The following CACNA1A variants were observed in gnomAD, a reference collection of about 807,000 sequenced individuals.
CACNA1A encodes the protein voltage-dependent P/Q-type calcium channel subunit alpha-1A.
CACNA1A carries 57 observed loss-of-function variants against 262.4 expected under a neutral mutation model. That is an observed-to-expected ratio of 0.22 (90% CI 0.18 to 0.27). The LOEUF is 0.27. CACNA1A is among the 10% of genes least tolerant of loss of function. The pLI, the probability that CACNA1A is intolerant of heterozygous loss-of-function variation, is 1.00. For missense variants in CACNA1A, 2,526 were observed against 3,562.8 expected (o/e 0.71, Z 7.41); for synonymous variants, 1,431 against 1,419.3 (o/e 1.01, Z -0.18).
At chr19:13,479,286 A>AG (rs1038477950) in intron 1 of CACNA1A, among the ~76,000 whole-genome samples, 84 of 152,334 alleles carry the variant, frequency 5.5e-4, no homozygotes, top group African/African-American at 1.8e-3. Context: ...AAAGTTCCAA[A>AG]GGGGAAAATA....
In CACNA1A at chr19:13,440,420, T is replaced by C. The variant is rs147139360; in HGVS notation, c.539+12456A>G. ...TAAATTGGAAAGGGAGGTCAGATAT[T>C]GGGAACCCAACTAATAATAGCAAAC... On this transcript the variant is annotated intron_variant, in intron 3 of 46. Coordinates refer to ENST00000360228, the MANE Select transcript of CACNA1A (RefSeq NM_001127222.2). Among the ~76,000 whole-genome samples, 628 of 152,318 alleles carry C rather than the reference T, an allele frequency of 4.1e-3. 6 individuals are homozygous for C. Among genetic ancestry groups the C allele is most frequent in the African/African-American group, 0.014 (592 of 41,576 alleles).
intron 44 of CACNA1A, 114 bp downstream of exon 44, chr19:13,210,503 C>T: frequency 1.1e-6 from 1 of 925,738 alleles, no homozygotes; most frequent in Non-Finnish European, 1.6e-6. Context: ...GTGCGATTGC[C>T]AAAGAAAGGG....
intron 8 of CACNA1A, 65 bp downstream of exon 8, chr19:13,334,312 AT>A (rs1165004857): frequency 2.2e-6 from 2 of 900,328 alleles, no homozygotes; most frequent in Non-Finnish European, 3.8e-6. Context: ...TCCAAACTGC[AT>A]GACTCTCTTT....
intron 22 of CACNA1A, among the ~76,000 whole-genome samples, chr19:13,279,492 T>A (rs8108455): frequency 0.72 from 108,697 of 151,932 alleles, 39,321 homozygotes; most frequent in East Asian, 0.97. Context: ...ATTTATTTTT[T>A]AATTTTTTTT....
intron 1 of CACNA1A, among the ~76,000 whole-genome samples, chr19:13,467,971 AGT>A (rs57410716): frequency 2.3e-4 from 35 of 149,936 alleles, no homozygotes; most frequent in South Asian, 4.2e-4. Flanking sequence ...GAGATGAGTG[AGT>A]GTGTGTGTGT....
chr19:13,368,732 G>C (rs2059262295), intron 4 of CACNA1A, among the ~76,000 whole-genome samples: 1 of 152,066 alleles, frequency 6.6e-6, no homozygotes, highest in African/African-American at 2.4e-5. Flanking sequence ...CCACTCCAAG[G>C]GCTTAAAAAT....
At chr19:13,489,052 C>T (rs1165462217) in intron 1 of CACNA1A, among the ~76,000 whole-genome samples, 1 of 123,010 alleles carries the variant, frequency 8.1e-6, no homozygotes, top group Non-Finnish European at 1.6e-5. Context: ...CTCTCTGTTG[C>T]CCAGGCTGGA....
At chr19:13,311,735 G>A (rs1173647152) in intron 12 of CACNA1A, among the ~76,000 whole-genome samples, 1 of 152,112 alleles carries the variant, frequency 6.6e-6, no homozygotes, top group African/African-American at 2.4e-5. Context: ...TACTCGGGAG[G>A]CTGAGGCAGG....
chr19:13,365,287 G>A (rs1335674163), intron 5 of CACNA1A, 30 bp downstream of exon 5: 2 of 1,584,796 alleles, frequency 1.3e-6, no homozygotes, highest in Admixed American at 1.7e-5. Flanking sequence ...GGAGAAAACT[G>A]GAAAGATGCA....
At chr19:13,255,281 T>C (rs1159411890) in intron 28 of CACNA1A, 22 bp from the exon 29 acceptor site, 1 of 1,568,696 alleles carries the variant, frequency 6.4e-7, no homozygotes. Context: ...AGGCCAGTGG[T>C]GAGAGCGGCA....
At chr19:13,366,377 G>C (rs2059211854) in intron 4 of CACNA1A, 2 of 152,182 alleles carry the variant, frequency 1.3e-5, no homozygotes, top group Non-Finnish European at 1.5e-5. Flanking sequence ...GACTGAGGCA[G>C]GAGGATCGTT....
chr19:13,339,606 A>G (rs1282242175), intron 6 of CACNA1A, among the ~76,000 whole-genome samples: 2 of 152,196 alleles, frequency 1.3e-5, no homozygotes, highest in Non-Finnish European at 2.9e-5. Flanking sequence ...AAGGTCTGAG[A>G]AGATGGATAT....
At chr19:13,484,098 C>A (rs1011418331) in intron 1 of CACNA1A, among the ~76,000 whole-genome samples, 1 of 152,102 alleles carries the variant, frequency 6.6e-6, no homozygotes, top group Admixed American at 6.6e-5. Context: ...ATCCTGAAAC[C>A]AACATCTTTT....
rs1032941308 is a variant in CACNA1A at position 13,426,756 on chromosome 19, A to C, written c.539+26120T>G. ...CAAATAAGTAAACTGAGGCACACAG[A>C]GAGCCAGCATCTTGGTTTGCTGGGA... On this transcript the variant is annotated intron_variant, in intron 3 of 46. Coordinates refer to ENST00000360228, the MANE Select transcript of CACNA1A (RefSeq NM_001127222.2). Among the ~76,000 whole-genome samples the C allele has an allele frequency of 2.0e-5, 3 of 152,184 alleles. No individual in the cohort carries two copies. In the South Asian group the frequency reaches 6.2e-4, roughly 32 times the overall value.
rs767916527 is a variant in CACNA1A at position 13,209,301 on chromosome 19, G to C, written c.6526+11C>G. 80 of 1,428,850 alleles carry C rather than the reference G, an allele frequency of 5.6e-5. No individual in the cohort carries two copies. The highest frequency in any genetic ancestry group is 7.0e-5 in the Non-Finnish European group (76 of 1,089,106). 88.5% of individuals were successfully genotyped at this position (1,428,850 alleles called of 1,614,324 possible). A position where few individuals can be genotyped will look rare whatever the true frequency, so the allele number is the denominator to read the frequency against. On this transcript the variant is annotated intron_variant, in intron 45 of 46. Coordinates refer to ENST00000360228, the MANE Select transcript of CACNA1A (RefSeq NM_001127222.2). ...GTTCTGCTTGTCCCTGAGCACCACAGGGCTGCCCACCTGTGTCCACATCGG... is the reference window on the plus strand; with the variant it reads ...GTTCTGCTTGTCCCTGAGCACCACACGGCTGCCCACCTGTGTCCACATCGG...
intron 3 of CACNA1A, among the ~76,000 whole-genome samples, chr19:13,427,513 C>A (rs2060425919): frequency 6.7e-6 from 1 of 149,280 alleles, no homozygotes; most frequent in African/African-American, 2.5e-5. Context: ...CCCCTATGAG[C>A]TGCTAGAAGC....
intron 3 of CACNA1A, among the ~76,000 whole-genome samples, chr19:13,401,355 A>G (rs2059897174): frequency 1.3e-5 from 2 of 152,184 alleles, no homozygotes; most frequent in South Asian, 2.1e-4. Context: ...TCACTAATAC[A>G]TGTGACCAAT....
intron 1 of CACNA1A, among the ~76,000 whole-genome samples, chr19:13,490,858 A>AAAG (rs1568701198): frequency 7.3e-6 from 1 of 137,546 alleles, no homozygotes; most frequent in Non-Finnish European, 1.6e-5. Context: ...GGAGGGAAAG[A>AAAG]GAAAGGAAAG....
At chr19:13,393,120 G>A (rs1184307269) in intron 3 of CACNA1A, among the ~76,000 whole-genome samples, 1 of 152,192 alleles carries the variant, frequency 6.6e-6, no homozygotes, top group African/African-American at 2.4e-5. Flanking sequence ...CTCTGACTCA[G>A]ATGTTCCGGT....
Sources: gnomAD v4.1 joint callset for allele counts (sites outside exome capture counted in the v4.1 genomes callset) on GRCh38, gnomAD v4.1.1 for gene constraint, MANE v1.5 for transcripts, NCBI Gene and HGNC (gene_info 2026-07-23, HGNC 2026-07-21) for gene names.